MAP6D1: variants seen among roughly 807,000 people sequenced by gnomAD.
MAP6D1 encodes MAP6 domain containing 1.
In MAP6D1, 13 loss-of-function variants were observed where a neutral mutation model predicts 17.4. The ratio of observed to expected loss-of-function variants is 0.75; its 90% CI spans 0.49 to 1.19. The LOEUF is 1.19. Among genes scored for constraint, MAP6D1 ranks in the 50% most tolerant of loss-of-function variants. The pLI is 0.00. For synonymous variants in MAP6D1, 141 were observed against 145.7 expected (o/e 0.97, Z 0.23); for missense variants, 313 against 312.6 (o/e 1.00, Z -0.01).
rs186767933 is a variant in MAP6D1, at chr3:183,817,266, C to T, written c.*90G>A. Reference sequence around the variant, plus strand: ...CTGTGCCCTCCCGCAGGGGCCCATGCCATGCTCTCGCCCAGCCCCGCGGCA... The same window carrying T: ...CTGTGCCCTCCCGCAGGGGCCCATGTCATGCTCTCGCCCAGCCCCGCGGCA... On this transcript the variant is annotated 3_prime_UTR_variant, in exon 3 of 3. Transcript: ENST00000318631. The T allele has an allele frequency of 7.5e-7, 1 of 1,327,092 alleles. No homozygotes were observed. Among genetic ancestry groups the T allele is most frequent in the Non-Finnish European group, 1.1e-6 (1 of 947,080 alleles). The allele number at this position is 1,327,092 out of a possible 1,614,324, so 82.2% of individuals were successfully genotyped here.
intron 1 of MAP6D1, among the ~76,000 whole-genome samples, chr3:183,821,701 A>G (rs998832394): frequency 6.6e-6 from 1 of 151,910 alleles, no homozygotes; most frequent in Non-Finnish European, 1.5e-5. Context: ...GCGTGCCATC[A>G]CGCCCAGCTA....
In MAP6D1 at chr3:183,825,156, G is replaced by A; in HGVS notation, c.392C>T (p.Thr131Met). The A allele has an allele frequency of 3.4e-6, 5 of 1,452,932 alleles. No individual in the cohort carries two copies. In the South Asian group the frequency reaches 5.6e-5, roughly 16 times the overall value. The allele number at this position is 1,452,932 out of a possible 1,614,324, so 90.0% of individuals were successfully genotyped here. ...GDADAAAAVT[T>M]SYRQEFQAWT... ...CCTACCCAGCCCATACCTGTACGAC[G>A]TGGTCACTGCTGCAGCCGCGTCCGC... is the stretch of plus-strand genomic sequence containing the variant. The change falls in exon 1 of 3, where the codon ACG (threonine) becomes ATG (methionine). Residue 131 changes from threonine to methionine, a missense_variant. Coordinates refer to ENST00000318631, the MANE Select transcript of MAP6D1 (RefSeq NM_024871.4).
At position 183,825,502 on chromosome 3, in the gene MAP6D1, A is replaced by G; in HGVS notation, c.46T>C (p.Trp16Arg). 2 of 1,415,678 alleles carry G rather than the reference A, an allele frequency of 1.4e-6. No homozygotes were observed. The highest frequency in any genetic ancestry group is 1.8e-6 in the Non-Finnish European group (2 of 1,085,914). 87.7% of individuals were successfully genotyped at this position (1,415,678 alleles called of 1,614,324 possible). The part of the protein sequence containing the change: ...ISRLCCLARR[W>R]NQLDRSDVAV... ...ACGTCGGAGCGGTCCAGCTGGTTCC[A>G]GCGCCGCGCCAGGCAGCACAGGCGG... The change falls in exon 1 of 3, where the codon TGG (tryptophan) becomes CGG (arginine). Residue 16 changes from tryptophan (W) to arginine (R), a missense_variant. Transcript: ENST00000318631.
In MAP6D1 at chr3:183,816,769, A is replaced by G. The variant is rs1162552155; in HGVS notation, c.*587T>C. ...AAAACATGAGGCTCATCTTGGCCAT[A>G]AGGAGGTCTGTGAAGTGGAAGCCCG... On this transcript the variant is annotated 3_prime_UTR_variant, in exon 3 of 3. Coordinates refer to ENST00000318631, the MANE Select transcript of MAP6D1 (RefSeq NM_024871.4). The G allele has an allele frequency of 2.6e-5, 4 of 153,536 alleles. No individual in the cohort carries two copies. Among genetic ancestry groups the G allele is most frequent in the African/African-American group, 9.7e-5 (4 of 41,448 alleles). The allele number at this position is 153,536 out of a possible 1,614,324, so 9.5% of individuals were successfully genotyped here. A position where few individuals can be genotyped will look rare whatever the true frequency, so the allele number is the denominator to read the frequency against.
Position 183,823,616 on chromosome 3 carries a change from CAAAAATAAAAAT to C in MAP6D1, c.401+1519_401+1530del, listed in dbSNP as rs371704551. Among the ~76,000 whole-genome samples the C allele has an allele frequency of 9.5e-4, 143 of 151,062 alleles. No individual in the cohort carries two copies. The East Asian group carries it at 0.021, about 22-fold the overall frequency. On this transcript the variant is annotated intron_variant, in intron 1 of 2. Transcript: ENST00000318631. ...ACTCTGTCTCAAAAAAGAAAAAAAT[CAAAAATAAAAAT>C]AAAAATAAAAATTAACTGGGCATGG...
At position 183,817,545 on chromosome 3, in the gene MAP6D1, A is replaced by G; in HGVS notation, c.520-109T>C. ...TCCCCTCCCATCCTCTGCATCCTCC[A>G]GGAGTTGAGACCTGAAGGGTCAGAG... On this transcript the variant is annotated intron_variant, in intron 2 of 2. Transcript: ENST00000318631. The G allele has an allele frequency of 6.1e-6, 6 of 986,938 alleles. No homozygotes were observed. In the South Asian group the frequency reaches 8.0e-5, roughly 13 times the overall value. 61.1% of individuals were successfully genotyped at this position (986,938 alleles called of 1,614,324 possible). A position where few individuals can be genotyped will look rare whatever the true frequency, so the allele number is the denominator to read the frequency against.
rs116672350 is a variant in MAP6D1 at position 183,819,583 on chromosome 3, G to A, written c.402-1472C>T. On this transcript the variant is annotated intron_variant, in intron 1 of 2. Coordinates refer to ENST00000318631, the MANE Select transcript of MAP6D1 (RefSeq NM_024871.4). ...CTTAAAGATGGAATGGGCAGGACCC[G>A]GTGACTGCCTGGAGAGAAAGAAAAC... 9.8e-3 allele frequency among the ~76,000 whole-genome samples: 1,497 copies of A among 152,316 alleles called. 16 individuals carry two copies. Among genetic ancestry groups the A allele is most frequent in the Middle Eastern group, 0.024 (7 of 294 alleles).
chr3:183,822,265 AC>A (rs1727275903), intron 1 of MAP6D1, among the ~76,000 whole-genome samples: 4 of 103,602 alleles, frequency 3.9e-5, no homozygotes, highest in African/African-American at 1.3e-4. Context: ...ACACACACAC[AC>A]ACACACACAC....
At chr3:183,818,492 T>C (rs530820507) in intron 1 of MAP6D1, among the ~76,000 whole-genome samples, 41 of 152,262 alleles carry the variant, frequency 2.7e-4, no homozygotes, top group African/African-American at 7.9e-4. Context: ...TGCTGGGTCT[T>C]GGAGACGAGC....
At chr3:183,823,472 A>G (rs1013274933) in intron 1 of MAP6D1, among the ~76,000 whole-genome samples, 2 of 152,184 alleles carry the variant, frequency 1.3e-5, no homozygotes, top group African/African-American at 4.8e-5. Context: ...GTGATGGCAC[A>G]CACCTATAAT....
chr3:183,824,743 C>G (rs1295497994), intron 1 of MAP6D1, among the ~76,000 whole-genome samples: 1 of 152,224 alleles, frequency 6.6e-6, no homozygotes, highest in African/African-American at 2.4e-5. Context: ...CACCAACGCC[C>G]GCACACTAGG....
intron 1 of MAP6D1, among the ~76,000 whole-genome samples, chr3:183,824,310 T>G (rs1325988622): frequency 6.6e-6 from 1 of 152,196 alleles, no homozygotes; most frequent in Non-Finnish European, 1.5e-5. Context: ...TAAATAAAAC[T>G]TGAAGATATA....
chr3:183,825,028 C>T, intron 1 of MAP6D1, 119 bp downstream of exon 1: 1 of 1,107,774 alleles, frequency 9.0e-7, no homozygotes, highest in Non-Finnish European at 1.2e-6. Flanking sequence ...TCCGAGGTCG[C>T]GTGGGATCCG....
chr3:183,821,357 C>T (rs565982069), intron 1 of MAP6D1, among the ~76,000 whole-genome samples: 29 of 152,288 alleles, frequency 1.9e-4, no homozygotes, highest in African/African-American at 6.7e-4. Context: ...CACTCAGTTT[C>T]CTTGTCTGTA....
Position 183,816,727 on chromosome 3 carries a change from C to A in MAP6D1, c.*629G>T. ...CAAGGTAAATGTGAGTCATTCAATCCCAAGAACTGTTTTGTTAAAACATGA... is the reference window on the plus strand; with the variant it reads ...CAAGGTAAATGTGAGTCATTCAATCACAAGAACTGTTTTGTTAAAACATGA... On this transcript the variant is annotated 3_prime_UTR_variant, in exon 3 of 3. Coordinates refer to ENST00000318631, the MANE Select transcript of MAP6D1 (RefSeq NM_024871.4). 1 of 153,278 alleles carries A rather than the reference C, an allele frequency of 6.5e-6. No individual in the cohort carries two copies. The highest frequency in any genetic ancestry group is 6.4e-5 in the Admixed American group (1 of 15,510). The allele number at this position is 153,278 out of a possible 1,614,324, so 9.5% of individuals were successfully genotyped here. A position where few individuals can be genotyped will look rare whatever the true frequency, so the allele number is the denominator to read the frequency against.
intron 1 of MAP6D1, among the ~76,000 whole-genome samples, chr3:183,818,822 T>C (rs574162661): frequency 6.6e-6 from 1 of 152,292 alleles, no homozygotes; most frequent in African/African-American, 2.4e-5. Context: ...GCGCTGTTGC[T>C]GAGCCTGTGG....
In MAP6D1 at chr3:183,817,310, C is replaced by T. The variant is rs368595822; in HGVS notation, c.*46G>A. ...CGCGGCAGTGGGTCCTGAGGCCGCT[C>T]CCCAGCCCTGTCCTGTCGGCAGCCA... On this transcript the variant is annotated 3_prime_UTR_variant, in exon 3 of 3. Coordinates refer to ENST00000318631, the MANE Select transcript of MAP6D1 (RefSeq NM_024871.4). The T allele has an allele frequency of 4.4e-4, 680 of 1,537,606 alleles. 1 individual carries two copies. Among genetic ancestry groups the T allele is most frequent in the Non-Finnish European group, 5.7e-4 (644 of 1,135,424 alleles).
Position 183,825,432 on chromosome 3 carries a change from T to A in MAP6D1, c.116A>T (p.Glu39Val). Residue 39 changes from glutamate to valine, a missense_variant, in exon 1 of 3, where the codon GAG becomes GTG. Glu to Val is a moderately radical substitution (Grantham distance 121). Coordinates refer to ENST00000318631, the MANE Select transcript of MAP6D1 (RefSeq NM_024871.4). Reference protein sequence around the residue: ...TLHGYSDLDSEEPGTGGAASR... With the variant: ...TLHGYSDLDSVEPGTGGAASR... ...GGCGGCGCCGCCCGTGCCCGGCTCC[T>A]CGCTGTCGAGGTCCGAGTAGCCGTG... is the stretch of plus-strand genomic sequence containing the variant. 1.5e-5 allele frequency: 22 copies of A among 1,440,606 alleles called. No homozygotes were observed. The highest frequency in any genetic ancestry group is 2.0e-5 in the Non-Finnish European group (22 of 1,102,474). The allele number at this position is 1,440,606 out of a possible 1,614,324, so 89.2% of individuals were successfully genotyped here.
At chr3:183,819,582 C>T (rs78565754) in intron 1 of MAP6D1, among the ~76,000 whole-genome samples, 5,762 of 152,278 alleles carry the variant, frequency 0.038, 162 homozygotes, top group Non-Finnish European at 0.054. Flanking sequence ...GGGCAGGACC[C>T]GGTGACTGCC....
Sources: gnomAD v4.1 joint callset for allele counts (sites outside exome capture counted in the v4.1 genomes callset) on GRCh38, gnomAD v4.1.1 for gene constraint, MANE v1.5 for transcripts, NCBI Gene and HGNC (gene_info 2026-07-23, HGNC 2026-07-21) for gene names.